TRIOBP: variants seen among roughly 807,000 people sequenced by gnomAD.
TRIOBP encodes the protein TRIO and F-actin binding protein, also known as TRIO and F-actin-binding protein.
TRIOBP carries 169 observed loss-of-function variants against 238.8 expected under a neutral mutation model. The ratio of observed to expected loss-of-function variants is 0.71; its 90% CI spans 0.62 to 0.80. The LOEUF is 0.80. TRIOBP is among the 30% of genes least tolerant of loss of function. The pLI, the probability that TRIOBP is intolerant of heterozygous loss-of-function variation, is 0.00. For synonymous variants in TRIOBP, 1,150 were observed against 1,274.4 expected, an observed-to-expected ratio of 0.90 and a Z score of 2.08; for missense variants, 2,838 against 3,122.6, an observed-to-expected ratio of 0.91 and a Z score of 2.17.
At chr22:37,712,345 T>G (rs1008887531) in intron 4 of TRIOBP, among the ~76,000 whole-genome samples, 7 of 151,846 alleles carry the variant, frequency 4.6e-5, no homozygotes, top group Non-Finnish European at 1.0e-4. Context: ...TATTTATTTA[T>G]TTTTGAGATA....
At chr22:37,717,172 C>T (rs1285478155) in intron 6 of TRIOBP, among the ~76,000 whole-genome samples, 2 of 152,130 alleles carry the variant, frequency 1.3e-5, no homozygotes, top group Non-Finnish European at 1.5e-5. Context: ...GTGAGTGTTA[C>T]GGCTCTTAAG....
At chr22:37,721,046 T>G (rs1923801862) in intron 6 of TRIOBP, among the ~76,000 whole-genome samples, 1 of 151,148 alleles carries the variant, frequency 6.6e-6, no homozygotes, top group Admixed American at 6.6e-5. Context: ...TTTTTTTGTA[T>G]TTTTAGTAGA....
intron 6 of TRIOBP, among the ~76,000 whole-genome samples, chr22:37,720,953 G>T (rs1344343483): frequency 6.6e-6 from 1 of 152,026 alleles, no homozygotes; most frequent in African/African-American, 2.4e-5. Context: ...CACCTCCCGG[G>T]TTCAAGCAAT....
At position 37,769,128 on chromosome 22, in the gene TRIOBP, C is replaced by T. The variant is rs768536508; in HGVS notation, c.6676C>T (p.Arg2226Cys). 1.4e-5 allele frequency: 22 copies of T among 1,612,864 alleles called. No individual in the cohort carries two copies. The East Asian group carries it at 3.1e-4, about 23-fold the overall frequency. The change falls in exon 20 of 24, where the codon CGC (arginine) becomes TGC (cysteine). Residue 2226 changes from arginine to cysteine, a missense_variant. Around this residue, in one of 5 missense-constraint regions of TRIOBP, gnomAD observed 2,096 missense variants for 2,137.4 expected, o/e 0.98. Transcript: ENST00000644935. ...IGALMRQAEE[R>C]EHTLRRCQQE... ...GGCACTCATGCGGCAGGCTGAGGAG[C>T]GCGAGCACACGCTGCGCCGCTGCCA... is the stretch of plus-strand genomic sequence containing the variant.
intron 9 of TRIOBP, among the ~76,000 whole-genome samples, chr22:37,737,994 C>T (rs1193161790): frequency 6.6e-6 from 1 of 152,202 alleles, no homozygotes; most frequent in African/African-American, 2.4e-5. Flanking sequence ...GGATCTCTAC[C>T]TGCTTTATCT....
chr22:37,771,642 A>G lies in TRIOBP; in HGVS notation c.6850-8A>G, dbSNP rs778537754. The G allele has an allele frequency of 6.2e-7, 1 of 1,613,052 alleles. No individual in the cohort carries two copies. The highest frequency in any genetic ancestry group is 8.5e-7 in the Non-Finnish European group (1 of 1,179,230). On this transcript the variant is annotated splice_region_variant and splice_polypyrimidine_tract_variant and intron_variant, in intron 21 of 23. Transcript: ENST00000644935. Reference sequence around the variant, plus strand: ...GGCCCTGGGTCAGTCCAGCACCTATATCCCCAGGTGCTGCTTCGCGTAAAA... The same window carrying G: ...GGCCCTGGGTCAGTCCAGCACCTATGTCCCCAGGTGCTGCTTCGCGTAAAA...
chr22:37,741,192 C>T (rs545984943), intron 11 of TRIOBP, among the ~76,000 whole-genome samples, 160 bp downstream of exon 11: 4 of 152,304 alleles, frequency 2.6e-5, no homozygotes, highest in South Asian at 2.1e-4. Flanking sequence ...CTCTTAAGCT[C>T]ATCCTGGTCT....
chr22:37,719,301 G>A lies in TRIOBP; in HGVS notation c.628+3367G>A, dbSNP rs190184477. On this transcript the variant is annotated intron_variant, in intron 6 of 23. Coordinates refer to ENST00000644935, the MANE Select transcript of TRIOBP (RefSeq NM_001039141.3). Reference sequence around the variant, plus strand: ...AGAGGTTTAGGAGGCAGACTTGATGGTACTTTGGACAGGAGGATACACAGT... The same window carrying A: ...AGAGGTTTAGGAGGCAGACTTGATGATACTTTGGACAGGAGGATACACAGT... Among the ~76,000 whole-genome samples, 423 of 152,146 alleles carry A rather than the reference G, an allele frequency of 2.8e-3. 3 individuals carry two copies. The highest frequency in any genetic ancestry group is 9.7e-3 in the African/African-American group (405 of 41,542).
At position 37,710,549 on chromosome 22, in the gene TRIOBP, C is replaced by G. The variant is rs1221426849; in HGVS notation, c.237C>G (p.Leu79=). ...GCCAGTCTGTGGTGGACCCAGGCCT[C>G]AGGCCAGGGCCCAAGAGGTGGGTAG... ...SGCQSVVDPG[L]RPGPKRGPSP... The change falls in exon 4 of 24, where the codon CTC becomes CTG. Residue 79 remains leucine (L), a synonymous_variant. Coordinates refer to ENST00000644935, the MANE Select transcript of TRIOBP (RefSeq NM_001039141.3). 4 of 1,611,290 alleles carry G rather than the reference C, an allele frequency of 2.5e-6. No individual in the cohort carries two copies. Among genetic ancestry groups the G allele is most frequent in the Non-Finnish European group, 3.4e-6 (4 of 1,179,814 alleles).
At chr22:37,772,886 A>C in intron 23 of TRIOBP, 122 bp downstream of exon 23, 1 of 1,252,278 alleles carries the variant, frequency 8.0e-7, no homozygotes, top group Non-Finnish European at 1.1e-6. Flanking sequence ...CCCGTTCTGT[A>C]AAAAGGACAA....
Position 37,759,322 on chromosome 22 carries a change from T to C in TRIOBP, c.6324+58T>C, listed in dbSNP as rs1044379474. The C allele has an allele frequency of 3.9e-6, 6 of 1,544,584 alleles. No individual in the cohort carries two copies. In the Admixed American group the frequency reaches 5.0e-5, roughly 13 times the overall value. On this transcript the variant is annotated intron_variant, in intron 17 of 23. Transcript: ENST00000644935. ...GGGCAGATTTCTGCTTGCCGTGTTATCAGGAAACAGCTGAGATTTTGGGAG... is the reference window on the plus strand; with the variant it reads ...GGGCAGATTTCTGCTTGCCGTGTTACCAGGAAACAGCTGAGATTTTGGGAG...
chr22:37,700,752 C>T (rs12158111), intron 2 of TRIOBP, among the ~76,000 whole-genome samples: 8,489 of 152,110 alleles, frequency 0.056, 753 homozygotes, highest in African/African-American at 0.19. Flanking sequence ...AGTGCAATGG[C>T]GCAATCTTGG....
At chr22:37,709,202 C>T (rs992784827) in intron 3 of TRIOBP, among the ~76,000 whole-genome samples, 2 of 152,212 alleles carry the variant, frequency 1.3e-5, no homozygotes, top group African/African-American at 4.8e-5. Flanking sequence ...CAGTGGCCTT[C>T]TTGGAACCTG....
rs374978494 is a variant in TRIOBP at position 37,769,143 on chromosome 22, C to T, written c.6691C>T (p.Arg2231Cys). 27 of 1,612,166 alleles carry T rather than the reference C, an allele frequency of 1.7e-5. No homozygotes were observed. The highest frequency in any genetic ancestry group is 2.0e-5 in the Non-Finnish European group (24 of 1,179,668). The change falls in exon 20 of 24, where the codon CGC (arginine) becomes TGC (cysteine). Residue 2231 changes from arginine to cysteine, a missense_variant. By Grantham distance (180) the Arg-to-Cys change is radical. Transcript: ENST00000644935. ...RQAEEREHTL[R>C]RCQQEGQELL... ...GGCTGAGGAGCGCGAGCACACGCTG[C>T]GCCGCTGCCAGCAGGAGGGCCAGGA... is the stretch of plus-strand genomic sequence containing the variant.
rs556216722 is a variant in TRIOBP at position 37,762,037 on chromosome 22, A to G, written c.6324+2773A>G. Among the ~76,000 whole-genome samples the G allele has an allele frequency of 9.2e-5, 14 of 152,286 alleles. No homozygotes were observed. In the South Asian group the frequency reaches 1.7e-3, roughly 18 times the overall value. On this transcript the variant is annotated intron_variant, in intron 17 of 23. Transcript: ENST00000644935. Reference sequence around the variant, plus strand: ...GGCTGGGACCCATTCGTACCCACCTATAATCAGAGTGGCTTCATCTTCCTC... The same window carrying G: ...GGCTGGGACCCATTCGTACCCACCTGTAATCAGAGTGGCTTCATCTTCCTC...
At chr22:37,700,167 G>A (rs1180928128) in intron 2 of TRIOBP, among the ~76,000 whole-genome samples, 1 of 151,936 alleles carries the variant, frequency 6.6e-6, no homozygotes, top group African/African-American at 2.4e-5. Context: ...GTGAGCCACC[G>A]CCCTCGGCTG....
chr22:37,701,364 A>G lies in TRIOBP; in HGVS notation c.-2A>G, dbSNP rs748344035. 2 of 1,611,454 alleles carry G rather than the reference A, an allele frequency of 1.2e-6. No individual in the cohort carries two copies. Among genetic ancestry groups the G allele is most frequent in the Non-Finnish European group, 1.7e-6 (2 of 1,178,718 alleles). On this transcript the variant is annotated 5_prime_UTR_variant, in exon 3 of 24. Transcript: ENST00000644935. ...GAACTGCCCTGGCCTGACTCACCCA[A>G]TATGGAGGAGGTGCCTGGGGATGCC...
chr22:37,712,997 T>TAAAA (rs974331961), intron 4 of TRIOBP, among the ~76,000 whole-genome samples: 16 of 144,192 alleles, frequency 1.1e-4, no homozygotes, highest in Admixed American at 7.5e-4. Flanking sequence ...AATAAATAAA[T>TAAAA]AATAAAATTA....
In TRIOBP at chr22:37,770,676, C is replaced by T. The variant is rs146962818; in HGVS notation, c.6850-974C>T. 5.5e-4 allele frequency among the ~76,000 whole-genome samples: 83 copies of T among 150,874 alleles called. No homozygotes were observed. In the East Asian group the frequency reaches 0.013, roughly 24 times the overall value. On this transcript the variant is annotated intron_variant, in intron 21 of 23. Coordinates refer to ENST00000644935, the MANE Select transcript of TRIOBP (RefSeq NM_001039141.3). ...ACAGGCGTGAGCCACCGTGCCCAGC[C>T]GATATTTTATTTCTCTTTTTTTTTT...
Sources: gnomAD v4.1 joint callset for allele counts (sites outside exome capture counted in the v4.1 genomes callset) on GRCh38, gnomAD v4.1.1 for gene constraint, gnomAD v4.1.1 regional missense constraint, MANE v1.5 for transcripts, NCBI Gene and HGNC (gene_info 2026-07-23, HGNC 2026-07-21) for gene names.